FAM227A: variants seen among roughly 807,000 people sequenced by gnomAD.
FAM227A encodes protein FAM227A.
FAM227A carries 80 observed loss-of-function variants against 74.7 expected under a neutral mutation model. The ratio of observed to expected loss-of-function variants is 1.07; its 90% CI spans 0.89 to 1.29. FAM227A has a LOEUF of 1.29. Ranked by LOEUF, FAM227A falls within the 50% of genes most tolerant of loss-of-function variation. The pLI is 0.00. For synonymous variants in FAM227A, 237 were observed against 241.8 expected, an observed-to-expected ratio of 0.98 and a Z score of 0.19; for missense variants, 654 against 683.4, an observed-to-expected ratio of 0.96 and a Z score of 0.48.
intron 14 of FAM227A, among the ~76,000 whole-genome samples, chr22:38,599,171 A>G (rs1341039407): frequency 6.6e-6 from 1 of 152,028 alleles, no homozygotes; most frequent in African/African-American, 2.4e-5. Flanking sequence ...CATGTTGGCC[A>G]GGCTGGTCTC....
intron 11 of FAM227A, among the ~76,000 whole-genome samples, chr22:38,613,125 A>C (rs1273184545): frequency 1.1e-5 from 1 of 91,798 alleles, no homozygotes; most frequent in Non-Finnish European, 1.9e-5. Flanking sequence ...ATTATATATA[A>C]TTATATATAT....
intron 6 of FAM227A, among the ~76,000 whole-genome samples, chr22:38,631,224 C>T (rs1296979817): frequency 6.6e-6 from 1 of 152,080 alleles, no homozygotes; most frequent in South Asian, 2.1e-4. Flanking sequence ...AGAATGATAT[C>T]GTGTCCTTTG....
chr22:38,633,545 A>AT (rs2091950454), intron 6 of FAM227A, among the ~76,000 whole-genome samples: 1 of 151,976 alleles, frequency 6.6e-6, no homozygotes, highest in Non-Finnish European at 1.5e-5. Flanking sequence ...CAACTATAAT[A>AT]TTTTTTTGTT....
At position 38,586,331 on chromosome 22, in the gene FAM227A, G is replaced by A. The variant is rs560131124; in HGVS notation, c.1639-132C>T. 1.6e-5 allele frequency: 16 copies of A among 1,000,312 alleles called. No individual in the cohort carries two copies. The South Asian group carries it at 2.0e-4, about 13-fold the overall frequency. The allele number at this position is 1,000,312 out of a possible 1,614,324, so 62.0% of individuals were successfully genotyped here. A position where few individuals can be genotyped will look rare whatever the true frequency, so the allele number is the denominator to read the frequency against. On this transcript the variant is annotated intron_variant, in intron 16 of 16. Transcript: ENST00000535113. Reference sequence around the variant, plus strand: ...CATGGAATATTGAGGGCGTGCTCCTGCCTCCAGAGAAAGTGGTCGAGCAGG... The same window carrying A: ...CATGGAATATTGAGGGCGTGCTCCTACCTCCAGAGAAAGTGGTCGAGCAGG...
In FAM227A at chr22:38,583,047, G is replaced by T; in HGVS notation, c.*3078C>A. On this transcript the variant is annotated 3_prime_UTR_variant, in exon 17 of 17. Transcript: ENST00000535113. ...GGAAAGTGTGGTTCCTAGAGAAACTGCAAATGAAGAGTTGACAGTGGCTGG... is the reference window on the plus strand; with the variant it reads ...GGAAAGTGTGGTTCCTAGAGAAACTTCAAATGAAGAGTTGACAGTGGCTGG... 7.3e-7 allele frequency: 1 copy of T among 1,365,640 alleles called. No individual in the cohort carries two copies. The highest frequency in any genetic ancestry group is 1.0e-6 in the Non-Finnish European group (1 of 991,946). The allele number at this position is 1,365,640 out of a possible 1,614,324, so 84.6% of individuals were successfully genotyped here. A position where few individuals can be genotyped will look rare whatever the true frequency, so the allele number is the denominator to read the frequency against.
At position 38,591,482 on chromosome 22, in the gene FAM227A, TG is replaced by T; in HGVS notation, c.1590del (p.Phe530LeufsTer69). 4 of 1,551,256 alleles carry T rather than the reference TG, an allele frequency of 2.6e-6. No individual in the cohort carries two copies. The highest frequency in any genetic ancestry group is 2.6e-6 in the Non-Finnish European group (3 of 1,146,830). ...TCCTCATTGACGGCTGAAGGTGGGATGAACATGTGGTTTGCCTTTTTTGTAT... is the reference window on the plus strand; with the variant it reads ...TCCTCATTGACGGCTGAAGGTGGGATAACATGTGGTTTGCCTTTTTTGTAT... ...AADTKKANHM[F>X]IPPSAVNEES... On this transcript the variant is annotated frameshift_variant, in exon 16 of 17. Coordinates refer to ENST00000535113, the MANE Select transcript of FAM227A (RefSeq NM_001013647.2). LOFTEE classifies it low-confidence loss of function (END_TRUNC).
At chr22:38,601,037 A>C (rs1234173519) in intron 13 of FAM227A, among the ~76,000 whole-genome samples, 2 of 152,222 alleles carry the variant, frequency 1.3e-5, no homozygotes, top group East Asian at 1.9e-4. Context: ...TAATTCATTC[A>C]GCAAATATGT....
At chr22:38,652,666 C>T (rs1210788987) in intron 1 of FAM227A, among the ~76,000 whole-genome samples, 2 of 150,376 alleles carry the variant, frequency 1.3e-5, no homozygotes, top group Non-Finnish European at 2.9e-5. Flanking sequence ...GCAGGTGGAT[C>T]ACGAGGTCAG....
At position 38,620,224 on chromosome 22, in the gene FAM227A, G is replaced by A. The variant is rs1291966741; in HGVS notation, c.1026C>T (p.Phe342=). The A allele has an allele frequency of 6.4e-7, 1 of 1,551,000 alleles. No individual in the cohort carries two copies. The highest frequency in any genetic ancestry group is 8.7e-7 in the Non-Finnish European group (1 of 1,146,644). ...CCTCCCCACTTACCTGAGGGTGGTA[G>A]AATTTCCTGCTCTGGGCTGGCTTCT... ...FSQKPAQSRK[F]YHPQSSSANS... The change falls in exon 11 of 17, where the codon TTC becomes TTT. Residue 342 remains phenylalanine, a synonymous_variant. Coordinates refer to ENST00000535113, the MANE Select transcript of FAM227A (RefSeq NM_001013647.2).
intron 14 of FAM227A, among the ~76,000 whole-genome samples, chr22:38,598,255 T>C (rs1378753347): frequency 6.6e-6 from 1 of 152,206 alleles, no homozygotes; most frequent in African/African-American, 2.4e-5. Context: ...GTTATTTATG[T>C]AGTATCAGCT....
At chr22:38,654,278 G>A (rs770799960) in intron 1 of FAM227A, among the ~76,000 whole-genome samples, 94 of 151,966 alleles carry the variant, frequency 6.2e-4, no homozygotes, top group Non-Finnish European at 1.2e-3. Context: ...AACCCAGGAG[G>A]CGGAGCTTGC....
intron 11 of FAM227A, among the ~76,000 whole-genome samples, chr22:38,613,152 AT>A: frequency 1.1e-5 from 1 of 89,190 alleles, no homozygotes; most frequent in African/African-American, 4.8e-5. Flanking sequence ...TATATTATAT[AT>A]TATATATCTA....
Position 38,634,117 on chromosome 22 carries a change from G to A in FAM227A, c.519+2334C>T, listed in dbSNP as rs116018284. Among the ~76,000 whole-genome samples the A allele has an allele frequency of 2.6e-3, 400 of 151,306 alleles. 2 individuals are homozygous for A. The highest frequency in any genetic ancestry group is 9.4e-3 in the African/African-American group (386 of 41,282). On this transcript the variant is annotated intron_variant, in intron 6 of 16. Coordinates refer to ENST00000535113, the MANE Select transcript of FAM227A (RefSeq NM_001013647.2). ...ATATCTGTAGTCCCAGCTACTCAGGGAGGCTGAGACAGGAGAAGTGCTCGA... is the reference window on the plus strand; with the variant it reads ...ATATCTGTAGTCCCAGCTACTCAGGAAGGCTGAGACAGGAGAAGTGCTCGA...
intron 11 of FAM227A, among the ~76,000 whole-genome samples, chr22:38,617,446 C>T (rs1602966404): frequency 6.6e-6 from 1 of 152,014 alleles, no homozygotes; most frequent in Non-Finnish European, 1.5e-5. Flanking sequence ...CAGGTGTGTG[C>T]CACCACACCC....
At chr22:38,629,188 T>C (rs2091868577) in intron 6 of FAM227A, among the ~76,000 whole-genome samples, 1 of 152,188 alleles carries the variant, frequency 6.6e-6, no homozygotes, top group South Asian at 2.1e-4. Context: ...ATCTAGACTC[T>C]GGACAGCTGC....
At chr22:38,624,678 G>A (rs2145575235) in intron 9 of FAM227A, among the ~76,000 whole-genome samples, 1 of 152,268 alleles carries the variant, frequency 6.6e-6, no homozygotes, top group African/African-American at 2.4e-5. Context: ...AAACTTTGAG[G>A]ACTCCAGCTC....
intron 11 of FAM227A, among the ~76,000 whole-genome samples, chr22:38,609,171 G>A (rs756905144): frequency 2.4e-4 from 37 of 152,156 alleles, no homozygotes; most frequent in Non-Finnish European, 4.6e-4. Flanking sequence ...CAGGAGGGAG[G>A]AAAGGACAAA....
At chr22:38,616,509 A>C (rs145759424) in intron 11 of FAM227A, among the ~76,000 whole-genome samples, 5,104 of 151,790 alleles carry the variant, frequency 0.034, 107 homozygotes, top group Middle Eastern at 0.058. Context: ...CTAAAAATAC[A>C]AAAAAAATTA....
intron 15 of FAM227A, among the ~76,000 whole-genome samples, chr22:38,592,333 T>G (rs2090956952): frequency 6.6e-6 from 1 of 152,214 alleles, no homozygotes; most frequent in Non-Finnish European, 1.5e-5. Flanking sequence ...AAAAAAATCT[T>G]TACTACAATT....
Sources: allele counts gnomAD v4.1 joint callset (sites outside exome capture counted in the v4.1 genomes callset), GRCh38; gene constraint gnomAD v4.1.1; transcripts MANE v1.5; gene names NCBI Gene and HGNC (gene_info 2026-07-23, HGNC 2026-07-21).